The following CA10 variants were observed in gnomAD, a reference collection of about 807,000 sequenced individuals.
CA10 encodes the protein carbonic anhydrase-related protein 10.
Under a neutral mutation model 44.2 loss-of-function variants are expected in CA10, and 14 were observed. The observed-to-expected ratio is 0.32, with a 90% CI of 0.21 to 0.50. The LOEUF (loss-of-function observed/expected upper bound fraction) is 0.50, where lower values mean the gene tolerates loss of function less well. Ranked by LOEUF, CA10 falls within the 20% of genes least tolerant of loss-of-function variation. The pLI, the probability that CA10 is intolerant of heterozygous loss-of-function variation, is 0.99. For missense variants in CA10, 350 were observed against 409.7 expected, an observed-to-expected ratio of 0.85 and a Z score of 1.26; for synonymous variants, 159 against 141.6, an observed-to-expected ratio of 1.12 and a Z score of -0.87.
chr17:51,789,363 G>C (rs1266102205), intron 3 of CA10, among the ~76,000 whole-genome samples: 1 of 152,188 alleles, frequency 6.6e-6, no homozygotes. Context: ...GTAATGCTTT[G>C]ATGCTATATT....
intron 2 of CA10, among the ~76,000 whole-genome samples, chr17:51,950,860 G>A (rs184518256): frequency 2.6e-4 from 39 of 152,160 alleles, no homozygotes; most frequent in Admixed American, 1.0e-3. Flanking sequence ...ATAGCCGAGC[G>A]CAGAGATTTT....
rs548752593 is a variant in CA10 at position 51,772,568 on chromosome 17, C to A, written c.280-24750G>T. 3.3e-5 allele frequency among the ~76,000 whole-genome samples: 5 copies of A among 152,146 alleles called. No individual in the cohort carries two copies. In the South Asian group the frequency reaches 8.3e-4, roughly 25 times the overall value. ...AATGGGAATGATGGAAAGACAGACA[C>A]AGAGACAGGCCAGCCACCACAGCCA... On this transcript the variant is annotated intron_variant, in intron 3 of 8. Transcript: ENST00000451037.
intron 4 of CA10, among the ~76,000 whole-genome samples, chr17:51,703,488 G>A (rs1263964): frequency 0.014 from 2,184 of 152,100 alleles, 26 homozygotes; most frequent in Non-Finnish European, 0.023. Flanking sequence ...TTGAGATAAG[G>A]CCTTATTCTC....
chr17:51,884,033 T>TC (rs1322489499), intron 3 of CA10, among the ~76,000 whole-genome samples: 2 of 152,192 alleles, frequency 1.3e-5, no homozygotes, highest in Non-Finnish European at 2.9e-5. Flanking sequence ...CTTGTAGTCA[T>TC]CCTTGACCCT....
At chr17:52,104,875 T>C (rs1341153056) in intron 1 of CA10, among the ~76,000 whole-genome samples, 3 of 152,206 alleles carry the variant, frequency 2.0e-5, no homozygotes, top group African/African-American at 7.2e-5. Flanking sequence ...CCCAGTAGGT[T>C]AGATAAAGCT....
intron 2 of CA10, among the ~76,000 whole-genome samples, chr17:51,963,261 G>C (rs1309531840): frequency 6.6e-6 from 1 of 152,146 alleles, no homozygotes; most frequent in Non-Finnish European, 1.5e-5. Flanking sequence ...AGAAATATGA[G>C]ATTGTGTAAA....
chr17:51,926,430 T>A (rs545987614), intron 3 of CA10, among the ~76,000 whole-genome samples: 1 of 152,352 alleles, frequency 6.6e-6, no homozygotes, highest in Admixed American at 6.5e-5. Flanking sequence ...ACATCTATTA[T>A]TTTAGATTCC....
chr17:52,068,600 G>T lies in CA10; in HGVS notation c.136+3719C>A, dbSNP rs376810956. On this transcript the variant is annotated intron_variant, in intron 2 of 8. Coordinates refer to ENST00000451037, the MANE Select transcript of CA10 (RefSeq NM_020178.5). The stretch of plus-strand genomic sequence containing the variant: ...GTGAGATGCCTGGCCCTGGAAGACT[G>T]CTTTAGGCTGCAAGTGACAGAAAGT... Among the ~76,000 whole-genome samples, 13 of 152,314 alleles carry T rather than the reference G, an allele frequency of 8.5e-5. No homozygotes were observed. In the East Asian group the frequency reaches 2.5e-3, roughly 29 times the overall value.
At chr17:51,783,776 G>T (rs1399054666) in intron 3 of CA10, among the ~76,000 whole-genome samples, 3 of 152,170 alleles carry the variant, frequency 2.0e-5, no homozygotes, top group Admixed American at 6.5e-5. Context: ...AAGAGGGTGG[G>T]CTCTGTTAGG....
chr17:51,997,677 G>T (rs896650875), intron 2 of CA10, among the ~76,000 whole-genome samples: 3 of 152,070 alleles, frequency 2.0e-5, no homozygotes, highest in African/African-American at 4.8e-5. Flanking sequence ...ATTCTTTCAT[G>T]AAACATGTTG....
chr17:52,014,925 A>G (rs1159922333), intron 2 of CA10, among the ~76,000 whole-genome samples: 2 of 152,106 alleles, frequency 1.3e-5, no homozygotes, highest in African/African-American at 2.4e-5. Context: ...AAATGGATGA[A>G]TAATTGTGGT....
At chr17:51,679,504 GC>G (rs1042913593) in intron 4 of CA10, among the ~76,000 whole-genome samples, 47 of 150,912 alleles carry the variant, frequency 3.1e-4, no homozygotes, top group Middle Eastern at 3.6e-3. Flanking sequence ...CTCGTGATCT[GC>G]CCGCCTTGGC....
intron 2 of CA10, among the ~76,000 whole-genome samples, chr17:52,056,822 T>C (rs1987242464): frequency 6.6e-6 from 1 of 152,128 alleles, no homozygotes; most frequent in African/African-American, 2.4e-5. Flanking sequence ...AGTAAAGCTA[T>C]ATCTGATTTC....
chr17:51,695,731 T>C (rs1005260674), intron 4 of CA10, among the ~76,000 whole-genome samples: 4 of 152,182 alleles, frequency 2.6e-5, no homozygotes, highest in African/African-American at 9.7e-5. Context: ...ATGAGCATCC[T>C]TCACTTTTTC....
chr17:52,023,119 A>G (rs538677411), intron 2 of CA10, among the ~76,000 whole-genome samples: 34 of 152,264 alleles, frequency 2.2e-4, no homozygotes, highest in African/African-American at 7.7e-4. Flanking sequence ...CCTAAAATTC[A>G]TATGGAACTT....
At position 51,758,612 on chromosome 17, in the gene CA10, T is replaced by A. The variant is rs141374303; in HGVS notation, c.280-10794A>T. 1.9e-3 allele frequency among the ~76,000 whole-genome samples: 287 copies of A among 152,336 alleles called. 1 individual carries two copies. The highest frequency in any genetic ancestry group is 6.6e-3 in the African/African-American group (274 of 41,578). ...GGAAGGCACACTTCAGAGAGTGGTA[T>A]CTGGAATGAGTTTTTCCCTCACAAT... On this transcript the variant is annotated intron_variant, in intron 3 of 8. Transcript: ENST00000451037.
chr17:51,864,234 C>T (rs187258581), intron 3 of CA10, among the ~76,000 whole-genome samples: 12 of 151,986 alleles, frequency 7.9e-5, no homozygotes, highest in Non-Finnish European at 1.5e-4. Context: ...TCCCAGGAAC[C>T]GGGGAAAAAG....
intron 3 of CA10, among the ~76,000 whole-genome samples, chr17:51,867,556 T>A (rs1187889890): frequency 6.6e-6 from 1 of 152,214 alleles, no homozygotes; most frequent in African/African-American, 2.4e-5. Flanking sequence ...ATTAAAGCGA[T>A]GTTGCAGGTA....
At chr17:51,946,363 C>A (rs1471240711) in intron 2 of CA10, among the ~76,000 whole-genome samples, 1 of 152,138 alleles carries the variant, frequency 6.6e-6, no homozygotes, top group African/African-American at 2.4e-5. Context: ...TTTAGTTTAA[C>A]TACTTCAATC....
Sources: gnomAD v4.1 joint callset for allele counts (sites outside exome capture counted in the v4.1 genomes callset) on GRCh38, gnomAD v4.1.1 for gene constraint, MANE v1.5 for transcripts, NCBI Gene and HGNC (gene_info 2026-07-23, HGNC 2026-07-21) for gene names.